Variants in SDK1 observed in about 807,000 individuals in gnomAD.
SDK1 encodes sidekick cell adhesion molecule 1, also known as protein sidekick-1.
A neutral mutation model predicts 245.5 loss-of-function variants in SDK1; 157 were observed. The ratio of observed to expected loss-of-function variants is 0.64; its 90% confidence interval spans 0.56 to 0.73. The LOEUF (loss-of-function observed/expected upper bound fraction) is 0.73, where lower values mean the gene tolerates loss of function less well. Ranked by LOEUF, SDK1 falls within the 30% of genes least tolerant of loss-of-function variation. The probability of loss-of-function intolerance (pLI) is 0.00; values close to 1 mark genes in which losing one functional copy is unlikely to be tolerated. For missense variants in SDK1, 3,583 were observed against 3,002.3 expected (o/e 1.19, Z -4.52); for synonymous variants, 1,647 against 1,278.5 (o/e 1.29, Z -6.15).
At chr7:3,463,194 A>C (rs1366664420) in intron 1 of SDK1, among the ~76,000 whole-genome samples, 1 of 152,174 alleles carries the variant, frequency 6.6e-6, no homozygotes, top group Non-Finnish European at 1.5e-5. Flanking sequence ...CTTATTCTTC[A>C]TAGTCCTTTA....
intron 1 of SDK1, among the ~76,000 whole-genome samples, chr7:3,541,287 C>G (rs1367209917): frequency 2.6e-5 from 4 of 152,178 alleles, no homozygotes; most frequent in African/African-American, 9.7e-5. Flanking sequence ...TCTAGTAGAG[C>G]AAAACCCTTT....
intron 14 of SDK1, among the ~76,000 whole-genome samples, chr7:4,009,315 A>G (rs758566817): frequency 1.1e-4 from 16 of 152,164 alleles, no homozygotes; most frequent in African/African-American, 3.6e-4. Flanking sequence ...CCTTCTACCA[A>G]CCGAGTCTGG....
intron 5 of SDK1, among the ~76,000 whole-genome samples, chr7:3,934,211 A>T (rs957713134): frequency 9.9e-5 from 15 of 152,226 alleles, no homozygotes; most frequent in Non-Finnish European, 4.4e-5. Context: ...AGGGGCCATA[A>T]TTGTGAATTT....
At chr7:3,762,433 A>C (rs1019920496) in intron 4 of SDK1, among the ~76,000 whole-genome samples, 3 of 152,246 alleles carry the variant, frequency 2.0e-5, no homozygotes, top group Non-Finnish European at 4.4e-5. Context: ...AGCAAAAAAC[A>C]ACAACAAAAA....
chr7:3,918,953 C>A (rs966575253), intron 5 of SDK1, among the ~76,000 whole-genome samples: 3 of 152,148 alleles, frequency 2.0e-5, no homozygotes, highest in Non-Finnish European at 4.4e-5. Context: ...GAGAATTATT[C>A]TTCTATCTAT....
chr7:3,433,107 A>G (rs1263223577), intron 1 of SDK1, among the ~76,000 whole-genome samples: 4 of 152,336 alleles, frequency 2.6e-5, no homozygotes, highest in East Asian at 1.9e-4. Flanking sequence ...ATTCCAGTCA[A>G]CATAATTCAA....
At chr7:3,431,728 C>G (rs1779853087) in intron 1 of SDK1, among the ~76,000 whole-genome samples, 2 of 152,108 alleles carry the variant, frequency 1.3e-5, no homozygotes, top group African/African-American at 4.8e-5. Flanking sequence ...TTTGCAATGA[C>G]TAGTTTTGTG....
In SDK1 at chr7:3,428,029, A is replaced by G. The variant is rs533286389; in HGVS notation, c.298+126145A>G. Among the ~76,000 whole-genome samples, 90 of 152,292 alleles carry G rather than the reference A, an allele frequency of 5.9e-4. 1 individual carries two copies. The South Asian group carries it at 0.017, about 29-fold the overall frequency. On this transcript the variant is annotated intron_variant, in intron 1 of 44. Transcript: ENST00000404826. ...GCTGTACTTTCATCTTTGCTGCCCA[A>G]TTCCCTCTTTGGATTACCCATTTTT...
intron 1 of SDK1, among the ~76,000 whole-genome samples, chr7:3,427,648 G>C (rs377190595): frequency 6.6e-6 from 1 of 151,830 alleles, no homozygotes; most frequent in African/African-American, 2.4e-5. Context: ...TCTATGACTT[G>C]GTGAATTTCC....
chr7:3,684,581 A>G (rs961139033), intron 4 of SDK1, among the ~76,000 whole-genome samples: 3 of 152,244 alleles, frequency 2.0e-5, no homozygotes, highest in Admixed American at 2.0e-4. Flanking sequence ...AATATGTGGG[A>G]TATACCTGAA....
chr7:4,225,512 A>C (rs904006363), intron 40 of SDK1, among the ~76,000 whole-genome samples: 1 of 152,134 alleles, frequency 6.6e-6, no homozygotes, highest in Non-Finnish European at 1.5e-5. Context: ...GCGATAAGGC[A>C]TTGGTTCTCA....
chr7:3,790,675 G>C (rs1309912221), intron 4 of SDK1, among the ~76,000 whole-genome samples: 1 of 152,120 alleles, frequency 6.6e-6, no homozygotes, highest in Non-Finnish European at 1.5e-5. Flanking sequence ...GCATGGTGAC[G>C]CATGCCTGTG....
intron 4 of SDK1, among the ~76,000 whole-genome samples, chr7:3,651,264 T>G (rs1783006814): frequency 6.6e-6 from 1 of 152,170 alleles, no homozygotes; most frequent in Admixed American, 6.5e-5. Context: ...ATTTTTTATT[T>G]TAGTCATTCT....
intron 20 of SDK1, among the ~76,000 whole-genome samples, chr7:4,073,728 C>T (rs1485758181): frequency 1.3e-5 from 2 of 152,128 alleles, no homozygotes; most frequent in Admixed American, 1.3e-4. Flanking sequence ...GGAGGAGGTG[C>T]TGGAGGAGGA....
At chr7:3,560,992 C>G (rs1309338437) in intron 1 of SDK1, among the ~76,000 whole-genome samples, 1 of 152,226 alleles carries the variant, frequency 6.6e-6, no homozygotes, top group East Asian at 1.9e-4. Context: ...GGTCCTTTCT[C>G]ACATTTTTTT....
intron 1 of SDK1, among the ~76,000 whole-genome samples, chr7:3,396,097 G>A (rs996758644): frequency 4.0e-5 from 6 of 151,344 alleles, no homozygotes; most frequent in African/African-American, 9.7e-5. Flanking sequence ...AACACTATAC[G>A]TTTTTTTCTA....
At chr7:3,557,415 C>T (rs1240738831) in intron 1 of SDK1, among the ~76,000 whole-genome samples, 2 of 152,244 alleles carry the variant, frequency 1.3e-5, no homozygotes, top group Non-Finnish European at 1.5e-5. Flanking sequence ...GTCCTGTAAC[C>T]ATTAGGGAAA....
chr7:3,643,288 C>T (rs1042434696), intron 4 of SDK1: 4 of 149,574 alleles, frequency 2.7e-5, no homozygotes, highest in African/African-American at 7.4e-5. Context: ...GAATCCTTTC[C>T]CTAAACCTCG....
In SDK1 at chr7:4,076,922, A is replaced by G. The variant is rs372101398; in HGVS notation, c.3011-76A>G. The G allele has an allele frequency of 7.2e-5, 93 of 1,297,290 alleles. No individual in the cohort carries two copies. The African/African-American group carries it at 1.0e-3, about 15-fold the overall frequency. 80.4% of individuals were successfully genotyped at this position (1,297,290 alleles called of 1,614,324 possible). On this transcript the variant is annotated intron_variant, in intron 20 of 44. Transcript: ENST00000404826. ...AGCTCTCCATAGCTCCAAGCCTGCA[A>G]CGATGGTGCTGTGGAATTCAGGTGA...
Sources: allele counts gnomAD v4.1 joint callset (sites outside exome capture counted in the v4.1 genomes callset), GRCh38; gene constraint gnomAD v4.1.1; transcripts MANE v1.5; gene names NCBI Gene and HGNC (gene_info 2026-07-23, HGNC 2026-07-21).